Variants in TENM3 observed in about 807,000 individuals in gnomAD.
The protein encoded by TENM3 is teneurin-3.
In TENM3, 63 loss-of-function variants were observed where a neutral mutation model predicts 255.1. That is an observed-to-expected ratio of 0.25 (90% CI 0.20 to 0.30). TENM3 has a LOEUF of 0.30. TENM3 is among the 10% of genes least tolerant of loss of function. The probability of loss-of-function intolerance (pLI) is 1.00; values close to 1 mark genes in which losing one functional copy is unlikely to be tolerated. For missense variants in TENM3, 2,929 were observed against 3,461.1 expected, an observed-to-expected ratio of 0.85 and a Z score of 3.86; for synonymous variants, 1,306 against 1,322.3, an observed-to-expected ratio of 0.99 and a Z score of 0.27.
intron 1 of TENM3, among the ~76,000 whole-genome samples, chr4:182,299,832 CTT>C (rs1761740851): frequency 2.0e-5 from 3 of 151,778 alleles, no homozygotes; most frequent in Admixed American, 2.0e-4. Flanking sequence ...TAGGATGTGC[CTT>C]CCATTACAGC....
chr4:182,352,043 A>T (rs1005946971), intron 3 of TENM3, among the ~76,000 whole-genome samples: 3 of 152,208 alleles, frequency 2.0e-5, no homozygotes, highest in South Asian at 2.1e-4. Flanking sequence ...TCAAGTGCCT[A>T]CCTAGTTTGG....
chr4:181,673,550 A>G, the TENM3 span, among the ~76,000 whole-genome samples: 36 of 152,134 alleles, frequency 2.4e-4, 1 homozygote, highest in Non-Finnish European at 3.2e-4. Flanking sequence ...AGCTCAGGGG[A>G]GAGAGCAATT....
At chr4:182,344,124 T>A (rs1338780047) in intron 2 of TENM3, among the ~76,000 whole-genome samples, 1 of 152,128 alleles carries the variant, frequency 6.6e-6, no homozygotes, top group African/African-American at 2.4e-5. Context: ...GTGAGTCACA[T>A]TTACATAAAC....
intron 18 of TENM3, 28 bp downstream of exon 18, chr4:182,738,572 G>A (rs1561183079): frequency 6.3e-7 from 1 of 1,578,700 alleles, no homozygotes; most frequent in Non-Finnish European, 8.6e-7. Flanking sequence ...GATAACTGAT[G>A]TTGTAATGTA....
the TENM3 span, among the ~76,000 whole-genome samples, chr4:181,794,665 C>CCT: frequency 1.9e-5 from 1 of 52,814 alleles, no homozygotes; most frequent in Non-Finnish European, 4.3e-5. Context: ...GAATAATATC[C>CCT]CTGTGTGTGT....
In TENM3 at chr4:182,258,660, A is replaced by G. The variant is rs551979040; in HGVS notation, c.-76+15184A>G. Among the ~76,000 whole-genome samples the G allele has an allele frequency of 2.6e-5, 4 of 152,320 alleles. No individual in the cohort carries two copies. The East Asian group carries it at 7.7e-4, about 29-fold the overall frequency. ...CCGAGTTTCACCTTGTGTTACTTGT[A>G]TGTGCTATAGCCTTTAGTCCCACAA... is the stretch of plus-strand genomic sequence containing the variant. On this transcript the variant is annotated intron_variant, in intron 1 of 27. Transcript: ENST00000511685.
intron 1 of TENM3, among the ~76,000 whole-genome samples, chr4:182,186,335 T>C (rs1024878196): frequency 1.3e-5 from 2 of 152,134 alleles, no homozygotes; most frequent in African/African-American, 2.4e-5. Context: ...GAAACTGATA[T>C]ATGATCATGT....
In TENM3 at chr4:182,719,252, CTTTTTTTTTTTTT is replaced by C. The variant is rs11348241; in HGVS notation, c.2368+5034_2368+5046del. On this transcript the variant is annotated intron_variant, in intron 13 of 27. Transcript: ENST00000511685. ...AGTAAAATAGAGTTCTTTTTTTTTT[CTTTTTTTTTTTTT>C]TTTTTTTTTTTTTTGAGACGGAGTC... Among the ~76,000 whole-genome samples, 20 of 80,868 alleles carry C rather than the reference CTTTTTTTTTTTTT, an allele frequency of 2.5e-4. No homozygotes were observed. The South Asian group carries it at 7.5e-3, about 30-fold the overall frequency. 53.1% of individuals were successfully genotyped at this position (80,868 alleles called of 152,430 possible). A position where few individuals can be genotyped will look rare whatever the true frequency, so the allele number is the denominator to read the frequency against.
At chr4:181,567,571 A>G in the TENM3 span, among the ~76,000 whole-genome samples, 1 of 152,240 alleles carries the variant, frequency 6.6e-6, no homozygotes, top group South Asian at 2.1e-4. Context: ...TTAAAAAAGA[A>G]AATTCTGACC....
chr4:182,777,858 TA>T, intron 24 of TENM3, among the ~76,000 whole-genome samples: 1 of 68,076 alleles, frequency 1.5e-5, no homozygotes, highest in South Asian at 4.8e-4. Context: ...TATGCTGTTA[TA>T]TATATATATA....
chr4:182,364,577 C>T (rs373584168), intron 3 of TENM3, among the ~76,000 whole-genome samples: 72 of 152,152 alleles, frequency 4.7e-4, no homozygotes, highest in African/African-American at 1.6e-3. Flanking sequence ...CCACCACGCC[C>T]GGCTAATTTT....
chr4:182,208,228 C>T (rs998821607), intron 1 of TENM3, among the ~76,000 whole-genome samples: 1 of 152,198 alleles, frequency 6.6e-6, no homozygotes, highest in Non-Finnish European at 1.5e-5. Context: ...ATAAAAAGCA[C>T]TGGGTAATCA....
the TENM3 span, among the ~76,000 whole-genome samples, chr4:181,717,194 C>A: frequency 6.6e-6 from 1 of 152,130 alleles, no homozygotes; most frequent in Admixed American, 6.5e-5. Context: ...TGCTGAATGG[C>A]ACATTAGAAG....
At chr4:181,780,459 C>G in the TENM3 span, among the ~76,000 whole-genome samples, 1 of 152,282 alleles carries the variant, frequency 6.6e-6, no homozygotes, top group East Asian at 1.9e-4. Context: ...TGTTAATATC[C>G]TTCACCCACT....
chr4:182,700,241 T>A (rs929431664), intron 12 of TENM3, among the ~76,000 whole-genome samples: 2 of 152,188 alleles, frequency 1.3e-5, no homozygotes, highest in African/African-American at 2.4e-5. Flanking sequence ...GACTTTTCAT[T>A]CAGTTTAATG....
At chr4:182,298,925 A>T (rs1190010385) in intron 1 of TENM3, among the ~76,000 whole-genome samples, 2 of 137,820 alleles carry the variant, frequency 1.5e-5, no homozygotes, top group African/African-American at 5.3e-5. Flanking sequence ...CAGAGGTTGC[A>T]GTGAGCTGAG....
the TENM3 span, among the ~76,000 whole-genome samples, chr4:181,843,194 G>A: frequency 3.5e-4 from 53 of 152,250 alleles, 1 homozygote; most frequent in East Asian, 1.9e-3. Context: ...GATACAAAAT[G>A]TTCAAATTCA....
At chr4:181,813,083 G>A in the TENM3 span, among the ~76,000 whole-genome samples, 1,337 of 152,252 alleles carry the variant, frequency 8.8e-3, 24 homozygotes, top group African/African-American at 0.03. Flanking sequence ...TCACAGTTCT[G>A]GATGCTGGCA....
At chr4:182,536,733 T>C (rs1740361018) in intron 3 of TENM3, among the ~76,000 whole-genome samples, 1 of 152,190 alleles carries the variant, frequency 6.6e-6, no homozygotes, top group South Asian at 2.1e-4. Flanking sequence ...ATGGAGCCTG[T>C]TTCTGCTAGC....
Sources: allele counts gnomAD v4.1 joint callset (sites outside exome capture counted in the v4.1 genomes callset), GRCh38; gene constraint gnomAD v4.1.1; transcripts MANE v1.5; gene names NCBI Gene and HGNC (gene_info 2026-07-23, HGNC 2026-07-21).